Variants in HSBP1L1 observed in about 807,000 individuals in gnomAD.
The protein encoded by HSBP1L1 is heat shock factor binding protein 1 like 1, also known as heat shock factor-binding protein 1-like protein 1.
HSBP1L1 carries 8 observed loss-of-function variants against 9.7 expected under a neutral mutation model. The ratio of observed to expected loss-of-function variants is 0.82; its 90% CI spans 0.48 to 1.48. HSBP1L1 has a LOEUF of 1.48. Among genes scored for constraint, HSBP1L1 ranks in the 40% most tolerant of loss-of-function variants. HSBP1L1 has a pLI of 0.00. For synonymous variants in HSBP1L1, 39 were observed against 34.4 expected (o/e 1.13, Z -0.46); for missense variants, 106 against 95.8 (o/e 1.11, Z -0.44).
Position 79,970,650 on chromosome 18 carries a change from C to A in HSBP1L1, c.*199C>A, listed in dbSNP as rs542811130. 1.1e-5 allele frequency: 6 copies of A among 555,312 alleles called. No homozygotes were observed. Among genetic ancestry groups the A allele is most frequent in the Non-Finnish European group, 2.0e-5 (6 of 305,734 alleles). The allele number at this position is 555,312 out of a possible 1,614,324, so 34.4% of individuals were successfully genotyped here. A position where few individuals can be genotyped will look rare whatever the true frequency, so the allele number is the denominator to read the frequency against. ...AGGAGAGCCCTCCCCAGAAATCACA[C>A]GGACCAGCACCTTGATCTGGGACTT... On this transcript the variant is annotated 3_prime_UTR_variant, in exon 4 of 4. Coordinates refer to ENST00000451882, the MANE Select transcript of HSBP1L1 (RefSeq NM_001136180.2).
chr18:79,967,907 TAA>T (rs2051265548), intron 2 of HSBP1L1, 180 bp from the exon 3 acceptor site: 1 of 508,178 alleles, frequency 2.0e-6, no homozygotes, highest in Non-Finnish European at 3.5e-6. Flanking sequence ...GTTTAAAGGT[TAA>T]AGAGACACAC....
At chr18:79,970,199 A>T in intron 3 of HSBP1L1, 1 of 459,334 alleles carries the variant, frequency 2.2e-6, no homozygotes, top group South Asian at 3.2e-5. Flanking sequence ...TCTCTGCCAA[A>T]TATCTACCTG....
chr18:79,968,366 G>A (rs904562475), intron 3 of HSBP1L1, among the ~76,000 whole-genome samples, 183 bp downstream of exon 3: 10 of 152,020 alleles, frequency 6.6e-5, no homozygotes, highest in African/African-American at 1.5e-4. Context: ...TTGCTCTGTC[G>A]CCCAGGCTGG....
chr18:79,970,404 G>A (rs753140521), intron 3 of HSBP1L1, 36 bp from the exon 4 acceptor site: 6 of 718,506 alleles, frequency 8.4e-6, no homozygotes, highest in African/African-American at 1.7e-5. Flanking sequence ...CACCTGATAG[G>A]AGTTACGGCC....
At chr18:79,966,244 T>C (rs2051256578) in intron 1 of HSBP1L1, among the ~76,000 whole-genome samples, 2 of 152,076 alleles carry the variant, frequency 1.3e-5, no homozygotes, top group Non-Finnish European at 2.9e-5. Context: ...TCCCATGATA[T>C]TTAAAATGTC....
At chr18:79,969,341 AAGAAAGAAAG>A (rs1316594802) in intron 3 of HSBP1L1, among the ~76,000 whole-genome samples, 1 of 27,416 alleles carries the variant, frequency 3.6e-5, no homozygotes, top group Non-Finnish European at 9.3e-5. Flanking sequence ...AAAAGAAAGA[AAGAAAGAAAG>A]AAAGAAAGAA....
At chr18:79,969,051 T>C (rs980871661) in intron 3 of HSBP1L1, among the ~76,000 whole-genome samples, 39 of 143,524 alleles carry the variant, frequency 2.7e-4, no homozygotes, top group African/African-American at 7.7e-4. Flanking sequence ...TAGCCGGGTG[T>C]GGTGGCGGGC....
At position 79,966,652 on chromosome 18, in the gene HSBP1L1, C is replaced by T. The variant is rs2051258725; in HGVS notation, c.92C>T (p.Ala31Val). The change falls in exon 2 of 4, where the codon GCT (alanine) becomes GTT (valine). Residue 31 changes from alanine to valine, a missense_variant. Transcript: ENST00000451882. ...CAGGAACTTCAGGAACATTTTCAAG[C>T]TCTGACGGCAACATTAAACCTCAGA... Reference protein sequence around the residue: ...LFQELQEHFQALTATLNLRME... With the variant: ...LFQELQEHFQVLTATLNLRME... 1 of 1,550,508 alleles carries T rather than the reference C, an allele frequency of 6.4e-7. No individual in the cohort carries two copies.
At chr18:79,967,642 T>A (rs2051264020) in intron 2 of HSBP1L1, 1 of 152,832 alleles carries the variant, frequency 6.5e-6, no homozygotes, top group Non-Finnish European at 1.5e-5. Flanking sequence ...TTCAGCTGGG[T>A]GGTAGTCTAT....
chr18:79,970,051 C>T (rs951472487), intron 3 of HSBP1L1: 1 of 185,068 alleles, frequency 5.4e-6, no homozygotes, highest in Middle Eastern at 2.7e-3. Context: ...ACCCAGAGAG[C>T]CACTAGTATA....
In HSBP1L1 at chr18:79,965,995, G is replaced by C. The variant is rs544973604; in HGVS notation, c.52-617G>C. ...CGCCCAGGCTGGAGTGCAGTGGCGC[G>C]ATCTCGGCTCACTGCAAGCTCCGCC... is the stretch of plus-strand genomic sequence containing the variant. On this transcript the variant is annotated intron_variant, in intron 1 of 3. Transcript: ENST00000451882. Among the ~76,000 whole-genome samples the C allele has an allele frequency of 1.3e-4, 20 of 152,024 alleles. 1 individual carries two copies. The highest frequency in any genetic ancestry group is 2.1e-4 in the Non-Finnish European group (14 of 67,994).
In HSBP1L1 at chr18:79,968,110, T is replaced by C. The variant is rs1447391653; in HGVS notation, c.140T>C (p.Ile47Thr). 8 of 1,549,656 alleles carry C rather than the reference T, an allele frequency of 5.2e-6. No individual in the cohort carries two copies. Among genetic ancestry groups the C allele is most frequent in the Admixed American group, 2.0e-5 (1 of 50,954 alleles). The change falls in exon 3 of 4, where the codon ATT becomes ACT. Residue 47 changes from isoleucine to threonine, a missense_variant. Ile to Thr is a moderately conservative substitution (Grantham distance 89). Coordinates refer to ENST00000451882, the MANE Select transcript of HSBP1L1 (RefSeq NM_001136180.2). ...GTACTGGAAGAAATGGGAAATCGCATTGAGGACTTACAGAAGAATGTCAAG... is the reference window on the plus strand; with the variant it reads ...GTACTGGAAGAAATGGGAAATCGCACTGAGGACTTACAGAAGAATGTCAAG... Reference protein sequence around the residue: ...NLRMEEMGNRIEDLQKNVKDL... With the variant: ...NLRMEEMGNRTEDLQKNVKDL...
intron 2 of HSBP1L1, 136 bp from the exon 3 acceptor site, chr18:79,967,953 T>G (rs1369471372): frequency 3.6e-6 from 2 of 558,644 alleles, no homozygotes; most frequent in Non-Finnish European, 3.2e-6. Flanking sequence ...CTGATTTGCA[T>G]GGACACTAGG....
At chr18:79,967,147 C>CAAAAAAAAAAAAAAAAAA (rs5826682) in intron 2 of HSBP1L1, among the ~76,000 whole-genome samples, 34 of 105,168 alleles carry the variant, frequency 3.2e-4, no homozygotes, top group African/African-American at 1.1e-3. Flanking sequence ...GACTCCGTCT[C>CAAAAAAAAAAAAAAAAAA]AAAAAAAAAA....
intron 2 of HSBP1L1, among the ~76,000 whole-genome samples, chr18:79,967,140 T>C (rs1599699721): frequency 2.1e-5 from 2 of 93,110 alleles, no homozygotes; most frequent in African/African-American, 8.1e-5. Flanking sequence ...AGAGCGAGAC[T>C]CCGTCTCAAA....
chr18:79,965,231 T>A, intron 1 of HSBP1L1, among the ~76,000 whole-genome samples: 1 of 152,140 alleles, frequency 6.6e-6, no homozygotes, highest in East Asian at 1.9e-4. Flanking sequence ...CGGGAAATCC[T>A]CCCGCTCCCC....
chr18:79,966,741 AT>A (rs1323013602), intron 2 of HSBP1L1, 63 bp downstream of exon 2: 1 of 1,210,798 alleles, frequency 8.3e-7, no homozygotes, highest in South Asian at 1.3e-5. Flanking sequence ...ATCATGGAGT[AT>A]CTTTTTGTTG....
chr18:79,966,299 T>C (rs1381183077), intron 1 of HSBP1L1, among the ~76,000 whole-genome samples: 1 of 152,028 alleles, frequency 6.6e-6, no homozygotes, highest in Non-Finnish European at 1.5e-5. Context: ...ATCCCAGCAC[T>C]TTGGGAGGTC....
At chr18:79,970,416 G>C (rs1568357031) in intron 3 of HSBP1L1, 24 bp from the exon 4 acceptor site, 1 of 718,538 alleles carries the variant, frequency 1.4e-6, no homozygotes, top group East Asian at 2.7e-5. Context: ...GTTACGGCCT[G>C]AACGTTTATG....
Sources: allele counts gnomAD v4.1 joint callset (sites outside exome capture counted in the v4.1 genomes callset), GRCh38; gene constraint gnomAD v4.1.1; transcripts MANE v1.5; gene names NCBI Gene and HGNC (gene_info 2026-07-23, HGNC 2026-07-21).